The following PTCHD4 variants were observed in gnomAD, a reference collection of about 807,000 sequenced individuals.
The protein encoded by PTCHD4 is patched domain containing 4, also known as patched domain-containing protein 4.
Under a neutral mutation model 58.1 loss-of-function variants are expected in PTCHD4, and 33 were observed. That is an observed-to-expected ratio of 0.57 (90% confidence interval 0.43 to 0.76). The LOEUF (loss-of-function observed/expected upper bound fraction) is 0.76, where lower values mean the gene tolerates loss of function less well. Ranked by LOEUF, PTCHD4 falls within the 30% of genes least tolerant of loss-of-function variation. PTCHD4 has a pLI of 0.00. For synonymous variants in PTCHD4, 478 were observed against 409.6 expected (o/e 1.17, Z -2.02); for missense variants, 1,058 against 1,027.1 (o/e 1.03, Z -0.41).
chr6:48,087,963 CA>C (rs1374026249), intron 1 of PTCHD4, among the ~76,000 whole-genome samples: 7 of 152,038 alleles, frequency 4.6e-5, no homozygotes, highest in Admixed American at 3.3e-4. Flanking sequence ...ACTAACTTAT[CA>C]GTAAGAATAT....
intron 3 of PTCHD4, among the ~76,000 whole-genome samples, chr6:48,016,168 G>A (rs1762862249): frequency 6.6e-6 from 1 of 151,840 alleles, no homozygotes; most frequent in Non-Finnish European, 1.5e-5. Flanking sequence ...GGGAGTGCCA[G>A]AAAAAAGAAT....
intron 3 of PTCHD4, among the ~76,000 whole-genome samples, chr6:48,028,198 C>T (rs982812047): frequency 5.3e-5 from 8 of 152,062 alleles, no homozygotes; most frequent in Non-Finnish European, 8.8e-5. Context: ...CCACCTCGGC[C>T]TCCCAAAGTG....
chr6:47,862,826 G>C lies in PTCHD4; in HGVS notation c.*15477C>G, dbSNP rs142360666. On this transcript the variant is annotated 3_prime_UTR_variant, in exon 5 of 5. Coordinates refer to ENST00000339488, the MANE Select transcript of PTCHD4 (RefSeq NM_001384253.1). ...ATCTGCTCTTCAGTAACAAAGACAGGCTTCTCTAACATGACATTATCAATG... is the reference window on the plus strand; with the variant it reads ...ATCTGCTCTTCAGTAACAAAGACAGCCTTCTCTAACATGACATTATCAATG... 1.3e-5 allele frequency among the ~76,000 whole-genome samples: 2 copies of C among 151,922 alleles called. No homozygotes were observed. Among genetic ancestry groups the C allele is most frequent in the African/African-American group, 2.4e-5 (1 of 41,502 alleles).
Position 48,008,733 on chromosome 6 carries a change from G to A in PTCHD4, c.799C>T (p.Leu267Phe). The A allele has an allele frequency of 6.2e-7, 1 of 1,613,908 alleles. No homozygotes were observed. The highest frequency in any genetic ancestry group is 8.5e-7 in the Non-Finnish European group (1 of 1,179,890). The change falls in exon 4 of 5, where the codon CTC becomes TTC. Residue 267 changes from leucine (L) to phenylalanine (F), a missense_variant. Physicochemically the swap from Leu to Phe is conservative, Grantham distance 22. Transcript: ENST00000339488. ...GTGATGATGGAGATGCATACTGTGA[G>A]CACCCCCAGGAGGCCCAGGAAGGGC... ...SKPFLGLLGV[L>F]TVCISIITAA...
intron 1 of PTCHD4, among the ~76,000 whole-genome samples, chr6:48,099,876 G>A (rs538667019): frequency 9.9e-5 from 15 of 152,260 alleles, no homozygotes; most frequent in Admixed American, 3.9e-4. Flanking sequence ...AATGTCTACC[G>A]TAAGTAGATT....
At chr6:47,901,325 T>C (rs918789751) in intron 4 of PTCHD4, 54 of 519,152 alleles carry the variant, frequency 1.0e-4, no homozygotes, top group Non-Finnish European at 1.3e-4. Flanking sequence ...TGTGATGTTT[T>C]TGTCTGGTTT....
At chr6:47,915,898 G>C (rs1291492785) in intron 4 of PTCHD4, among the ~76,000 whole-genome samples, 2 of 152,072 alleles carry the variant, frequency 1.3e-5, no homozygotes, top group African/African-American at 4.8e-5. Flanking sequence ...GGGGGAGTGA[G>C]GATGGACTGG....
At chr6:48,072,096 C>T (rs964131205) in intron 1 of PTCHD4, among the ~76,000 whole-genome samples, 3 of 152,086 alleles carry the variant, frequency 2.0e-5, no homozygotes, top group African/African-American at 7.2e-5. Flanking sequence ...TTTTTACTAT[C>T]CTCTGTACTG....
At chr6:48,018,551 C>T (rs1246934590) in intron 3 of PTCHD4, among the ~76,000 whole-genome samples, 3 of 152,168 alleles carry the variant, frequency 2.0e-5, no homozygotes, top group Admixed American at 6.5e-5. Flanking sequence ...GAGTTCTTCT[C>T]AAATGGAGAA....
At chr6:48,051,537 CTGG>C (rs1764234684) in intron 3 of PTCHD4, among the ~76,000 whole-genome samples, 1 of 152,116 alleles carries the variant, frequency 6.6e-6, no homozygotes, top group Admixed American at 6.6e-5. Flanking sequence ...TGACAATCTT[CTGG>C]CCAGGTCCTG....
At position 47,871,103 on chromosome 6, in the gene PTCHD4, A is replaced by C. The variant is rs1271506256; in HGVS notation, c.*7200T>G. On this transcript the variant is annotated 3_prime_UTR_variant, in exon 5 of 5. Transcript: ENST00000339488. Reference sequence around the variant, plus strand: ...AAGTGGGTTTTGTTTTAGGAAAGAAAATAAAAATGCTCAACTTTTACTCTC... The same window carrying C: ...AAGTGGGTTTTGTTTTAGGAAAGAACATAAAAATGCTCAACTTTTACTCTC... Among the ~76,000 whole-genome samples, 3 of 151,610 alleles carry C rather than the reference A, an allele frequency of 2.0e-5. No individual in the cohort carries two copies. The highest frequency in any genetic ancestry group is 7.3e-5 in the African/African-American group (3 of 41,372).
At chr6:47,911,289 C>G (rs1315973609) in intron 4 of PTCHD4, among the ~76,000 whole-genome samples, 1 of 152,090 alleles carries the variant, frequency 6.6e-6, no homozygotes, top group Non-Finnish European at 1.5e-5. Flanking sequence ...AGATAAGCCA[C>G]CTGTCTTCTG....
chr6:47,982,478 TCTC>T (rs1259449278), intron 4 of PTCHD4, among the ~76,000 whole-genome samples: 2 of 108,774 alleles, frequency 1.8e-5, no homozygotes, highest in African/African-American at 3.6e-5. Context: ...GTTTTATCTC[TCTC>T]TTTTTTTTTT....
intron 1 of PTCHD4, among the ~76,000 whole-genome samples, chr6:48,082,591 A>G (rs1442593266): frequency 6.6e-6 from 1 of 152,118 alleles, no homozygotes; most frequent in Admixed American, 6.6e-5. Context: ...TTTCAGTTAT[A>G]CTCCCAAGAT....
chr6:47,942,039 T>C (rs557783943), intron 4 of PTCHD4, among the ~76,000 whole-genome samples: 5 of 152,324 alleles, frequency 3.3e-5, no homozygotes, highest in African/African-American at 1.2e-4. Flanking sequence ...TTTTTCCCAG[T>C]GCAGGAAGCT....
chr6:47,946,589 T>C (rs750893788), intron 4 of PTCHD4, among the ~76,000 whole-genome samples: 1 of 152,212 alleles, frequency 6.6e-6, no homozygotes, highest in Non-Finnish European at 1.5e-5. Context: ...GTTTAGGATG[T>C]ATATCTTATA....
chr6:48,077,901 CAG>C (rs1765090613), intron 1 of PTCHD4, among the ~76,000 whole-genome samples: 1 of 152,242 alleles, frequency 6.6e-6, no homozygotes, highest in East Asian at 1.9e-4. Context: ...CCACTGATCA[CAG>C]ATCATCTTAA....
In PTCHD4 at chr6:47,879,033, A is replaced by G; in HGVS notation, c.1802T>C (p.Ile601Thr). ...GGCCACCAGATACAAGCGAGAAGCA[A>G]TGATATTGCTTTCATCCCCTGCCTT... ...FSKAGDESNI[I>T]ASRLYLVART... Residue 601 changes from isoleucine (I) to threonine (T), a missense_variant, in exon 5 of 5, where the codon ATT becomes ACT. Physicochemically the swap from Ile to Thr is moderately conservative, Grantham distance 89 (BLOSUM62 -1). Transcript: ENST00000339488. 1 of 1,613,528 alleles carries G rather than the reference A, an allele frequency of 6.2e-7. No individual in the cohort carries two copies. Among genetic ancestry groups the G allele is most frequent in the Non-Finnish European group, 8.5e-7 (1 of 1,179,758 alleles).
chr6:47,896,547 T>C lies in PTCHD4; in HGVS notation c.899-16611A>G, dbSNP rs532145035. On this transcript the variant is annotated intron_variant, in intron 4 of 4. Transcript: ENST00000339488. ...GTATACATGAAAATTATTTTCCATA[T>C]TCAATTTTAGGAGTTAATCTTCCAT... Among the ~76,000 whole-genome samples, 141 of 152,374 alleles carry C rather than the reference T, an allele frequency of 9.3e-4. 2 individuals carry two copies. Among genetic ancestry groups the C allele is most frequent in the Middle Eastern group, 6.8e-3 (2 of 294 alleles).
Sources: allele counts gnomAD v4.1 joint callset (sites outside exome capture counted in the v4.1 genomes callset), GRCh38; gene constraint gnomAD v4.1.1; transcripts MANE v1.5; gene names NCBI Gene and HGNC (gene_info 2026-07-23, HGNC 2026-07-21).